The following EML6 variants were observed in gnomAD, a reference collection of about 807,000 sequenced individuals.
The protein encoded by EML6 is EMAP like 6.
A neutral mutation model predicts 240.1 loss-of-function variants in EML6; 154 were observed. That is an observed-to-expected ratio of 0.64 (90% CI 0.56 to 0.73). The LOEUF (loss-of-function observed/expected upper bound fraction) is 0.73, where lower values mean the gene tolerates loss of function less well. Among genes scored for constraint, EML6 ranks in the 30% least tolerant of loss-of-function variants. EML6 has a pLI of 0.00. For synonymous variants in EML6, 1,148 were observed against 899.0 expected, an observed-to-expected ratio of 1.28 and a Z score of -4.95; for missense variants, 2,964 against 2,474.6, an observed-to-expected ratio of 1.20 and a Z score of -4.20.
In EML6 at chr2:54,758,911, A is replaced by ACGGG. The variant is rs1324275814; in HGVS notation, c.197+33653_197+33654insCGGG. Reference sequence around the variant, plus strand: ...CAGGGGTGCTCTGCAAACATAAAATATGGGTGGTTCATAAGTTGCCTTTTT... The same window carrying ACGGG: ...CAGGGGTGCTCTGCAAACATAAAATACGGGTGGGTGGTTCATAAGTTGCCTTTTT... On this transcript the variant is annotated intron_variant, in intron 2 of 41. Transcript: ENST00000356458. Among the ~76,000 whole-genome samples the ACGGG allele has an allele frequency of 8.5e-3, 1,289 of 151,196 alleles. 20 individuals are homozygous for ACGGG. The highest frequency in any genetic ancestry group is 0.014 in the Middle Eastern group (4 of 294).
intron 2 of EML6, among the ~76,000 whole-genome samples, chr2:54,797,814 A>C (rs1263784438): frequency 1.3e-5 from 2 of 152,192 alleles, no homozygotes; most frequent in African/African-American, 4.8e-5. Context: ...TGGGCAAGTT[A>C]CTTGACTTCT....
rs145086045 is a variant in EML6, at chr2:54,732,886, T to C, written c.197+7628T>C. On this transcript the variant is annotated intron_variant, in intron 2 of 41. Coordinates refer to ENST00000356458, the MANE Select transcript of EML6 (RefSeq NM_001039753.4). ...TTTGTTTACTCCCAAAGGTTTTTGCTTTTTAAAAATGATTTTATAAGCATC... is the reference window on the plus strand; with the variant it reads ...TTTGTTTACTCCCAAAGGTTTTTGCCTTTTAAAAATGATTTTATAAGCATC... Among the ~76,000 whole-genome samples the C allele has an allele frequency of 3.9e-5, 6 of 152,382 alleles. No homozygotes were observed. In the East Asian group the frequency reaches 9.6e-4, roughly 24 times the overall value.
intron 24 of EML6, among the ~76,000 whole-genome samples, chr2:54,905,058 G>A (rs1673248751): frequency 6.6e-6 from 1 of 152,154 alleles, no homozygotes; most frequent in African/African-American, 2.4e-5. Flanking sequence ...CAAGGGCAAA[G>A]GGAGATCAGA....
At chr2:54,821,766 T>A (rs1668346110) in intron 5 of EML6, among the ~76,000 whole-genome samples, 1 of 152,128 alleles carries the variant, frequency 6.6e-6, no homozygotes. Flanking sequence ...CACAAATTTA[T>A]CAATTTTTTA....
At chr2:54,821,975 A>G (rs189525213) in intron 5 of EML6, among the ~76,000 whole-genome samples, 1 of 152,184 alleles carries the variant, frequency 6.6e-6, no homozygotes, top group African/African-American at 2.4e-5. Flanking sequence ...ATATTAAAAT[A>G]TTCTGTATAA....
At chr2:54,931,257 A>G (rs1181100897) in intron 28 of EML6, among the ~76,000 whole-genome samples, 1 of 151,594 alleles carries the variant, frequency 6.6e-6, no homozygotes, top group Admixed American at 6.6e-5. Flanking sequence ...GCGCCCGGCG[A>G]CCGTAGGCAT....
chr2:54,818,099 T>C (rs1391492502), intron 4 of EML6, among the ~76,000 whole-genome samples: 6 of 152,194 alleles, frequency 3.9e-5, no homozygotes, highest in African/African-American at 1.4e-4. Context: ...TCATTTTATA[T>C]AGTCTGACCT....
At chr2:54,930,193 C>T (rs1674779253) in intron 28 of EML6, among the ~76,000 whole-genome samples, 1 of 152,160 alleles carries the variant, frequency 6.6e-6, no homozygotes, top group Non-Finnish European at 1.5e-5. Context: ...TGGCTGATTT[C>T]TGTAACTCAT....
chr2:54,939,539 C>T (rs1675317937), intron 28 of EML6, among the ~76,000 whole-genome samples: 1 of 152,192 alleles, frequency 6.6e-6, no homozygotes, highest in South Asian at 2.1e-4. Context: ...TTGTGATATG[C>T]ACCCATATTT....
rs146947885 is a variant in EML6, at chr2:54,738,196, TC to T, written c.197+12939del. On this transcript the variant is annotated intron_variant, in intron 2 of 41. Coordinates refer to ENST00000356458, the MANE Select transcript of EML6 (RefSeq NM_001039753.4). ...TGGGCAGGGCTGTTTCATTCACTGC[TC>T]TGCCTACAGTTCTCATAATGGAGCC... is the stretch of plus-strand genomic sequence containing the variant. Among the ~76,000 whole-genome samples the T allele has an allele frequency of 4.8e-3, 725 of 152,340 alleles. 5 individuals are homozygous for T. Among genetic ancestry groups the T allele is most frequent in the African/African-American group, 0.016 (680 of 41,580 alleles).
chr2:54,893,349 G>A (rs953352090), intron 19 of EML6, among the ~76,000 whole-genome samples: 1 of 152,182 alleles, frequency 6.6e-6, no homozygotes, highest in South Asian at 2.1e-4. Flanking sequence ...GTAAGGGGCT[G>A]CAACAGGGAA....
intron 28 of EML6, among the ~76,000 whole-genome samples, chr2:54,944,392 G>A (rs1219612936): frequency 1.3e-5 from 2 of 152,072 alleles, no homozygotes; most frequent in Non-Finnish European, 2.9e-5. Context: ...GACTCTCCAT[G>A]ACAAAGTGCT....
chr2:54,815,546 C>G (rs1328913136), intron 3 of EML6, among the ~76,000 whole-genome samples: 2 of 152,178 alleles, frequency 1.3e-5, no homozygotes, highest in African/African-American at 2.4e-5. Flanking sequence ...TTTGTGTTCA[C>G]TGCTTTTTTT....
intron 24 of EML6, among the ~76,000 whole-genome samples, chr2:54,905,243 C>T (rs1046505356): frequency 6.7e-6 from 1 of 149,718 alleles, no homozygotes; most frequent in African/African-American, 2.5e-5. Context: ...TTTTTTAAAG[C>T]AGTGATTTCT....
chr2:54,941,762 G>A lies in EML6; in HGVS notation c.4005-7120G>A, dbSNP rs573438841. Among the ~76,000 whole-genome samples, 8 of 152,334 alleles carry A rather than the reference G, an allele frequency of 5.3e-5. No homozygotes were observed. In the South Asian group the frequency reaches 1.2e-3, roughly 24 times the overall value. ...TCCCCATGGGAGAGTGATGGCACACGCGTAGTGCACGCAGGGCGAGGAGCA... is the reference window on the plus strand; with the variant it reads ...TCCCCATGGGAGAGTGATGGCACACACGTAGTGCACGCAGGGCGAGGAGCA... On this transcript the variant is annotated intron_variant, in intron 28 of 41. Transcript: ENST00000356458.
chr2:54,829,487 G>A lies in EML6; in HGVS notation c.847+10G>A, dbSNP rs1398160937. 1 of 1,545,858 alleles carries A rather than the reference G, an allele frequency of 6.5e-7. No homozygotes were observed. The highest frequency in any genetic ancestry group is 1.2e-5 in the South Asian group (1 of 83,462). ...GAACAAGGATACAAAGGTAATATAT[G>A]TGTTAAGCTTACCTGTAACTCTGGA... On this transcript the variant is annotated intron_variant, in intron 7 of 41. Coordinates refer to ENST00000356458, the MANE Select transcript of EML6 (RefSeq NM_001039753.4).
chr2:54,925,188 A>G (rs1301485526), intron 26 of EML6, among the ~76,000 whole-genome samples: 1 of 152,026 alleles, frequency 6.6e-6, no homozygotes, highest in African/African-American at 2.4e-5. Flanking sequence ...TTCACTCTCC[A>G]CACACACACC....
chr2:54,924,092 C>A (rs1290714810), intron 26 of EML6, among the ~76,000 whole-genome samples: 1 of 152,140 alleles, frequency 6.6e-6, no homozygotes, highest in Non-Finnish European at 1.5e-5. Flanking sequence ...TTAGACAAGT[C>A]TTTGTAGACA....
intron 33 of EML6, 38 bp downstream of exon 33, chr2:54,958,036 G>A (rs1676315029): frequency 6.6e-7 from 1 of 1,514,476 alleles, no homozygotes; most frequent in South Asian, 1.3e-5. Context: ...AGGGGACCCA[G>A]ACCCCCTGGG....
Sources: allele counts gnomAD v4.1 joint callset (sites outside exome capture counted in the v4.1 genomes callset), GRCh38; gene constraint gnomAD v4.1.1; transcripts MANE v1.5; gene names NCBI Gene and HGNC (gene_info 2026-07-23, HGNC 2026-07-21).